AGBL4: variants seen among roughly 807,000 people sequenced by gnomAD.
AGBL4 encodes AGBL carboxypeptidase 4.
AGBL4 carries 58 observed loss-of-function variants against 66.4 expected under a neutral mutation model. The ratio of observed to expected loss-of-function variants is 0.87; its 90% confidence interval spans 0.71 to 1.09. The LOEUF (loss-of-function observed/expected upper bound fraction) is 1.09. AGBL4 is among the 50% of genes least tolerant of loss of function. The pLI is 0.00. For missense variants in AGBL4, 579 were observed against 631.0 expected, an observed-to-expected ratio of 0.92 and a Z score of 0.88; for synonymous variants, 234 against 222.9, an observed-to-expected ratio of 1.05 and a Z score of -0.44.
In AGBL4 at chr1:49,695,990, T is replaced by C. The variant is rs543734029; in HGVS notation, c.282+1323A>G. Reference sequence around the variant, plus strand: ...AAGTCAAGTTGCAGTTGAGATAAAATGATGAGAAGCAAGCAATCAAGGGAT... The same window carrying C: ...AAGTCAAGTTGCAGTTGAGATAAAACGATGAGAAGCAAGCAATCAAGGGAT... On this transcript the variant is annotated intron_variant, in intron 3 of 13. Transcript: ENST00000371839. Among the ~76,000 whole-genome samples, 12 of 152,132 alleles carry C rather than the reference T, an allele frequency of 7.9e-5. No homozygotes were observed. In the South Asian group the frequency reaches 2.1e-3, roughly 26 times the overall value.
chr1:48,877,142 G>C (rs1308775796), intron 5 of AGBL4, among the ~76,000 whole-genome samples: 1 of 152,134 alleles, frequency 6.6e-6, no homozygotes, highest in Non-Finnish European at 1.5e-5. Context: ...CTTCAGTAGG[G>C]TGGACGAAGC....
intron 5 of AGBL4, among the ~76,000 whole-genome samples, chr1:48,918,771 G>A (rs1011876441): frequency 1.3e-5 from 2 of 152,166 alleles, no homozygotes; most frequent in African/African-American, 4.8e-5. Context: ...TAGTAGCCTG[G>A]ACTAAGACAG....
chr1:48,720,190 G>A (rs912908296), intron 6 of AGBL4, among the ~76,000 whole-genome samples: 2 of 152,184 alleles, frequency 1.3e-5, no homozygotes, highest in African/African-American at 4.8e-5. Flanking sequence ...CTACCTTAAA[G>A]GGCTTAGTCC....
intron 1 of AGBL4, among the ~76,000 whole-genome samples, chr1:49,932,210 T>A (rs1044916994): frequency 2.6e-5 from 4 of 152,140 alleles, no homozygotes; most frequent in African/African-American, 9.6e-5. Context: ...ACATACATGG[T>A]CAGTTGATTT....
chr1:48,592,639 C>T (rs1318485443), intron 9 of AGBL4, among the ~76,000 whole-genome samples: 1 of 152,124 alleles, frequency 6.6e-6, no homozygotes, highest in African/African-American at 2.4e-5. Context: ...TTTTGATGAG[C>T]TGCACAGGAA....
chr1:49,821,017 A>G (rs969487401), intron 2 of AGBL4, among the ~76,000 whole-genome samples: 1 of 152,212 alleles, frequency 6.6e-6, no homozygotes, highest in South Asian at 2.1e-4. Flanking sequence ...GCTTACAAAT[A>G]TTAGCAATTA....
chr1:49,694,008 T>C (rs1248743286), intron 3 of AGBL4, among the ~76,000 whole-genome samples: 1 of 152,190 alleles, frequency 6.6e-6, no homozygotes, highest in Non-Finnish European at 1.5e-5. Flanking sequence ...TACAACACCA[T>C]ATGCTGCGAG....
intron 4 of AGBL4, 109 bp from the exon 5 acceptor site, chr1:49,045,909 T>C (rs1644067795): frequency 1.1e-6 from 1 of 884,314 alleles, no homozygotes; most frequent in East Asian, 2.7e-5. Flanking sequence ...TCAAGAACCA[T>C]GGGTGATGGG....
chr1:49,248,332 T>C (rs995748604), intron 3 of AGBL4, among the ~76,000 whole-genome samples: 3 of 152,218 alleles, frequency 2.0e-5, no homozygotes, highest in African/African-American at 7.2e-5. Flanking sequence ...TAGTATAGCT[T>C]TTAAAATGAC....
At chr1:48,596,407 C>CA (rs1285597580) in intron 9 of AGBL4, among the ~76,000 whole-genome samples, 1 of 151,950 alleles carries the variant, frequency 6.6e-6, no homozygotes, top group Non-Finnish European at 1.5e-5. Context: ...GGGACTGAGA[C>CA]AAAAAAGCCC....
intron 4 of AGBL4, among the ~76,000 whole-genome samples, chr1:49,153,088 G>A (rs935599085): frequency 1.3e-5 from 2 of 152,082 alleles, no homozygotes; most frequent in Non-Finnish European, 2.9e-5. Flanking sequence ...ATTAAGGGAC[G>A]TTTGGGGCTT....
intron 11 of AGBL4, among the ~76,000 whole-genome samples, chr1:48,581,784 T>C (rs2148332491): frequency 6.6e-6 from 1 of 152,350 alleles, no homozygotes. Flanking sequence ...AATCCTGTGA[T>C]GTAAATAATC....
chr1:49,245,669 T>C, intron 4 of AGBL4, 101 bp downstream of exon 4: 1 of 777,962 alleles, frequency 1.3e-6, no homozygotes, highest in Non-Finnish European at 2.0e-6. Flanking sequence ...AAAATTTTTA[T>C]TTTTAATTTT....
intron 2 of AGBL4, among the ~76,000 whole-genome samples, chr1:49,769,298 G>A (rs1643986320): frequency 6.6e-6 from 1 of 152,104 alleles, no homozygotes; most frequent in South Asian, 2.1e-4. Flanking sequence ...TCTGAACACT[G>A]CTGAAATAAA....
chr1:49,411,132 A>C (rs1451004293), intron 3 of AGBL4, among the ~76,000 whole-genome samples: 1 of 152,212 alleles, frequency 6.6e-6, no homozygotes, highest in East Asian at 1.9e-4. Flanking sequence ...TAGGGAAGTC[A>C]ACAGTGCAGC....
chr1:48,873,817 T>C (rs1417701453), intron 5 of AGBL4, among the ~76,000 whole-genome samples: 3 of 152,128 alleles, frequency 2.0e-5, no homozygotes, highest in African/African-American at 7.2e-5. Context: ...ACAGAGAATT[T>C]GGCCTTCTTC....
chr1:49,355,674 G>C (rs954510721), intron 3 of AGBL4, among the ~76,000 whole-genome samples: 2 of 152,082 alleles, frequency 1.3e-5, no homozygotes, highest in African/African-American at 4.8e-5. Flanking sequence ...TCTGTTCTCT[G>C]ACCCATTCAA....
intron 6 of AGBL4, among the ~76,000 whole-genome samples, chr1:48,693,826 T>C (rs1646672304): frequency 6.6e-6 from 1 of 152,022 alleles, no homozygotes; most frequent in Non-Finnish European, 1.5e-5. Context: ...TCTGCCCTGA[T>C]GGAAAGTGGG....
chr1:48,871,942 T>C (rs2148829919), intron 5 of AGBL4, among the ~76,000 whole-genome samples: 1 of 152,290 alleles, frequency 6.6e-6, no homozygotes, highest in East Asian at 1.9e-4. Flanking sequence ...TCAAGAACTT[T>C]GGACCTTTTC....
Sources: gnomAD v4.1 joint callset for allele counts (sites outside exome capture counted in the v4.1 genomes callset) on GRCh38, gnomAD v4.1.1 for gene constraint, MANE v1.5 for transcripts, NCBI Gene and HGNC (gene_info 2026-07-23, HGNC 2026-07-21) for gene names.